Variants in NPTN observed in about 807,000 individuals in gnomAD.
The protein encoded by NPTN is neuroplastin.
NPTN carries 5 observed loss-of-function variants against 42.7 expected under a neutral mutation model. The observed-to-expected ratio is 0.12, with a 90% CI of 0.06 to 0.25. The LOEUF (loss-of-function observed/expected upper bound fraction) is 0.25, where lower values mean the gene tolerates loss of function less well. NPTN is among the 10% of genes least tolerant of loss of function. The pLI is 1.00. For synonymous variants in NPTN, 180 were observed against 201.9 expected, an observed-to-expected ratio of 0.89 and a Z score of 0.92; for missense variants, 307 against 525.4, an observed-to-expected ratio of 0.58 and a Z score of 4.06.
At chr15:73,582,338 C>CTGACGGCAG (rs1896091577) in intron 4 of NPTN, among the ~76,000 whole-genome samples, 1 of 152,218 alleles carries the variant, frequency 6.6e-6, no homozygotes, top group Non-Finnish European at 1.5e-5. Context: ...GAACACTTGG[C>CTGACGGCAG]TGACGGCAGT....
intron 1 of NPTN, among the ~76,000 whole-genome samples, chr15:73,626,193 A>G (rs1215544699): frequency 6.6e-6 from 1 of 152,260 alleles, no homozygotes; most frequent in Admixed American, 6.5e-5. Flanking sequence ...GCCAACAGAA[A>G]GATCATAAAA....
intron 1 of NPTN, among the ~76,000 whole-genome samples, chr15:73,605,661 A>T (rs546699591): frequency 8.0e-5 from 12 of 150,510 alleles, no homozygotes; most frequent in Non-Finnish European, 1.3e-4. Flanking sequence ...CCAGGAGGGG[A>T]GGTTGCGGTG....
At chr15:73,572,607 G>A (rs1053226581) in intron 5 of NPTN, among the ~76,000 whole-genome samples, 1 of 152,144 alleles carries the variant, frequency 6.6e-6, no homozygotes, top group Non-Finnish European at 1.5e-5. Flanking sequence ...TCAGTACCTT[G>A]GGCCTCCTCA....
At chr15:73,577,260 C>G (rs773115757) in intron 4 of NPTN, among the ~76,000 whole-genome samples, 8 of 152,344 alleles carry the variant, frequency 5.3e-5, no homozygotes, top group Non-Finnish European at 1.0e-4. Flanking sequence ...CCACTCTTCT[C>G]ACCTTGGGGT....
Position 73,596,336 on chromosome 15 carries a change from G to A in NPTN, c.439+686C>T, listed in dbSNP as rs549866947. On this transcript the variant is annotated intron_variant, in intron 2 of 8. Coordinates refer to ENST00000345330, the MANE Select transcript of NPTN (RefSeq NM_012428.4). Reference sequence around the variant, plus strand: ...CGGTTTTAGAAAAGAAAAAGAGCTGGAACTATGAAAATATCCAAGCTTACA... The same window carrying A: ...CGGTTTTAGAAAAGAAAAAGAGCTGAAACTATGAAAATATCCAAGCTTACA... 1.8e-4 allele frequency among the ~76,000 whole-genome samples: 28 copies of A among 152,194 alleles called. No individual in the cohort carries two copies. In the East Asian group the frequency reaches 4.8e-3, roughly 26 times the overall value.
At chr15:73,624,161 G>A (rs552285043) in intron 1 of NPTN, among the ~76,000 whole-genome samples, 2 of 152,310 alleles carry the variant, frequency 1.3e-5, no homozygotes, top group Admixed American at 6.5e-5. Context: ...TGGTTAGAAA[G>A]TATTCTTATT....
chr15:73,626,702 G>A (rs1595976122), intron 1 of NPTN, among the ~76,000 whole-genome samples: 1 of 152,070 alleles, frequency 6.6e-6, no homozygotes, highest in Admixed American at 6.5e-5. Flanking sequence ...GTGACATTTC[G>A]TTATGCATTT....
At chr15:73,599,855 G>A (rs953387678) in intron 1 of NPTN, among the ~76,000 whole-genome samples, 6 of 147,442 alleles carry the variant, frequency 4.1e-5, no homozygotes, top group African/African-American at 9.7e-5. Flanking sequence ...TCTCAAATGC[G>A]GTAATTATGT....
chr15:73,562,943 C>T (rs1183513684), intron 7 of NPTN, among the ~76,000 whole-genome samples: 1 of 151,964 alleles, frequency 6.6e-6, no homozygotes, highest in Non-Finnish European at 1.5e-5. Flanking sequence ...CTCAGATATA[C>T]TGGCCATTTC....
intron 2 of NPTN, among the ~76,000 whole-genome samples, chr15:73,596,200 A>T (rs1288309533): frequency 6.6e-6 from 1 of 152,238 alleles, no homozygotes; most frequent in Non-Finnish European, 1.5e-5. Flanking sequence ...CTAACAGCAA[A>T]ACATAAGAAG....
chr15:73,585,536 A>G (rs1896276093), intron 4 of NPTN, among the ~76,000 whole-genome samples: 1 of 152,252 alleles, frequency 6.6e-6, no homozygotes, highest in Non-Finnish European at 1.5e-5. Flanking sequence ...CGAAGTGTTC[A>G]TAGTCTTTAC....
intron 1 of NPTN, chr15:73,632,718 C>CGGACA: frequency 5.8e-6 from 1 of 172,912 alleles, no homozygotes; most frequent in East Asian, 1.6e-4. Context: ...GGGGGCCTGA[C>CGGACA]GGACACCACC....
chr15:73,571,485 T>C (rs1374249315), intron 5 of NPTN, among the ~76,000 whole-genome samples: 1 of 152,124 alleles, frequency 6.6e-6, no homozygotes, highest in Non-Finnish European at 1.5e-5. Context: ...TATAGAGTGC[T>C]GTAGGGCACA....
intron 1 of NPTN, among the ~76,000 whole-genome samples, chr15:73,600,327 C>A (rs1897026025): frequency 6.6e-6 from 1 of 152,136 alleles, no homozygotes; most frequent in Admixed American, 6.5e-5. Context: ...CAACAATGGT[C>A]TTTGAAGGCC....
chr15:73,590,885 T>C (rs1321611383), intron 3 of NPTN, among the ~76,000 whole-genome samples: 1 of 152,084 alleles, frequency 6.6e-6, no homozygotes, highest in African/African-American at 2.4e-5. Context: ...TGAGGAAAAT[T>C]GCTGAGGCTA....
chr15:73,572,419 AAAC>A (rs774220588), intron 5 of NPTN, among the ~76,000 whole-genome samples: 3 of 152,212 alleles, frequency 2.0e-5, no homozygotes, highest in African/African-American at 4.8e-5. Context: ...CTGACTCTCC[AAAC>A]AACATCATGA....
intron 1 of NPTN, among the ~76,000 whole-genome samples, chr15:73,602,399 C>T (rs1486150210): frequency 6.6e-6 from 1 of 152,194 alleles, no homozygotes; most frequent in East Asian, 1.9e-4. Flanking sequence ...GAGCGTTTCT[C>T]TCCTCTGTCT....
intron 1 of NPTN, among the ~76,000 whole-genome samples, chr15:73,618,047 C>T (rs577436684): frequency 6.6e-6 from 1 of 152,338 alleles, no homozygotes; most frequent in South Asian, 2.1e-4. Flanking sequence ...CGTTTCACAA[C>T]GTTTCACGTA....
Position 73,604,119 on chromosome 15 carries a change from G to T in NPTN, c.92-6750C>A, listed in dbSNP as rs547312887. ...AAGCTAAACAAGCATGATCTACCTA[G>T]ATCTACAGGTTTAAAAAAAAGTCAA... is the stretch of plus-strand genomic sequence containing the variant. On this transcript the variant is annotated intron_variant, in intron 1 of 8. Coordinates refer to ENST00000345330, the MANE Select transcript of NPTN (RefSeq NM_012428.4). 4.6e-5 allele frequency among the ~76,000 whole-genome samples: 7 copies of T among 151,790 alleles called. No homozygotes were observed. The South Asian group carries it at 1.5e-3, about 32-fold the overall frequency.
Sources: gnomAD v4.1 joint callset for allele counts (sites outside exome capture counted in the v4.1 genomes callset) on GRCh38, gnomAD v4.1.1 for gene constraint, MANE v1.5 for transcripts, NCBI Gene and HGNC (gene_info 2026-07-23, HGNC 2026-07-21) for gene names.